NEB: variants seen among roughly 807,000 people sequenced by gnomAD.
The protein encoded by NEB is nemaline myopathy type 2.
Under a neutral mutation model 952.2 loss-of-function variants are expected in NEB, and 512 were observed. The ratio of observed to expected loss-of-function variants is 0.54; its 90% CI spans 0.50 to 0.58. NEB has a LOEUF of 0.58. Ranked by LOEUF, NEB falls within the 20% of genes least tolerant of loss-of-function variation. The pLI, the probability that NEB is intolerant of heterozygous loss-of-function variation, is 0.00. For synonymous variants in NEB, 2,900 were observed against 3,149.8 expected, an observed-to-expected ratio of 0.92 and a Z score of 2.66; for missense variants, 8,428 against 9,231.1, an observed-to-expected ratio of 0.91 and a Z score of 3.56.
At chr2:151,537,330 C>T (rs1386084072) in intron 140 of NEB, 94 bp from the exon 141 acceptor site, 2 of 684,008 alleles carry the variant, frequency 2.9e-6, no homozygotes, top group East Asian at 2.7e-5. Context: ...GAAGCACTAC[C>T]CCTTGAGGTA....
rs1290736752 is a variant in NEB, at chr2:151,635,708, A to AG, written c.9102+518_9102+519insC. On this transcript the variant is annotated intron_variant, in intron 64 of 181. Transcript: ENST00000397345. ...GCAACAAGAGCAAAACTCTGTCTCC[A>AG]AAAAAAAAAAAAAAAAAAGAGTGTA... Among the ~76,000 whole-genome samples the AG allele has an allele frequency of 6.5e-5, 4 of 61,536 alleles. No homozygotes were observed. The East Asian group carries it at 3.7e-3, about 57-fold the overall frequency. The allele number at this position is 61,536 out of a possible 152,430, so 40.4% of individuals were successfully genotyped here.
chr2:151,630,382 G>A (rs2098641271), intron 67 of NEB, among the ~76,000 whole-genome samples: 1 of 152,136 alleles, frequency 6.6e-6, no homozygotes, highest in Admixed American at 6.5e-5. Context: ...ATTTACTGAT[G>A]TATCTAATTG....
rs770061515 is a variant in NEB, at chr2:151,659,104, C to A, written c.6036G>T (p.Gln2012His). 6 of 1,612,762 alleles carry A rather than the reference C, an allele frequency of 3.7e-6. No homozygotes were observed. In the African/African-American group the frequency reaches 6.7e-5, roughly 18 times the overall value. ...TKVHIMPDIPQIILAKANAIN... is the reference protein window; with the variant it reads ...TKVHIMPDIPHIILAKANAIN... Reference sequence around the variant, plus strand: ...TTGCATTTGCCTTTGCCAAAATAATCTGGGGGATATCAGGCATGATGTGGA... The same window carrying A: ...TTGCATTTGCCTTTGCCAAAATAATATGGGGGATATCAGGCATGATGTGGA... The change falls in exon 47 of 182, where the codon CAG becomes CAT. Residue 2012 changes from glutamine (Q) to histidine (H), a missense_variant. Coordinates refer to ENST00000397345, the MANE Select transcript of NEB (RefSeq NM_001164508.2).
In NEB at chr2:151,531,912, G is replaced by T; in HGVS notation, c.21418-16C>A. The T allele has an allele frequency of 6.6e-7, 1 of 1,523,748 alleles. No individual in the cohort carries two copies. The allele number at this position is 1,523,748 out of a possible 1,614,324, so 94.4% of individuals were successfully genotyped here. ...TGTATTTGATCTAAATTGTGGAAGA[G>T]AAGAAAGAGCTCTAAGAAGTTGTAG... On this transcript the variant is annotated splice_polypyrimidine_tract_variant and intron_variant, in intron 143 of 181. Coordinates refer to ENST00000397345, the MANE Select transcript of NEB (RefSeq NM_001164508.2).
chr2:151,670,572 C>G (rs1415618758), intron 38 of NEB, among the ~76,000 whole-genome samples: 1 of 152,034 alleles, frequency 6.6e-6, no homozygotes, highest in Non-Finnish European at 1.5e-5. Context: ...CTTATCTCCT[C>G]CCTAGAGGCC....
intron 9 of NEB, among the ~76,000 whole-genome samples, chr2:151,720,873 T>C (rs181660714): frequency 2.0e-5 from 3 of 152,352 alleles, no homozygotes; most frequent in Non-Finnish European, 4.4e-5. Context: ...TTCTGATGAC[T>C]CTCAAATATT....
chr2:151,535,912 C>T (rs780665670), intron 141 of NEB, 117 bp from the exon 142 acceptor site: 5 of 615,808 alleles, frequency 8.1e-6, no homozygotes, highest in South Asian at 2.2e-5. Context: ...AACACATATT[C>T]GTTTGTTTGT....
intron 32 of NEB, among the ~76,000 whole-genome samples, 192 bp from the exon 33 acceptor site, chr2:151,678,379 C>G (rs1447094263): frequency 6.6e-6 from 1 of 152,112 alleles, no homozygotes; most frequent in Non-Finnish European, 1.5e-5. Context: ...TTATGGAACC[C>G]ATTTGATTGT....
chr2:151,642,653 GCTT>G lies in NEB; in HGVS notation c.8291_8293del (p.Glu2764del). On this transcript the variant is annotated inframe_deletion, in exon 60 of 182. Coordinates refer to ENST00000397345, the MANE Select transcript of NEB (RefSeq NM_001164508.2). Reference sequence around the variant, plus strand: ...CCGCATGTCATAACCTTTCCTCTTGGCTTCTTCTAGGCCAAGCTTATACAATTT... The same window carrying G: ...CCGCATGTCATAACCTTTCCTCTTGGCTTCTAGGCCAAGCTTATACAATTT... The G allele has an allele frequency of 1.2e-6, 2 of 1,613,892 alleles. No individual in the cohort carries two copies. Among genetic ancestry groups the G allele is most frequent in the Non-Finnish European group, 1.7e-6 (2 of 1,179,846 alleles).
At position 151,502,840 on chromosome 2, in the gene NEB, T is replaced by C. The variant is rs753151349; in HGVS notation, c.23881A>G (p.Thr7961Ala). The C allele has an allele frequency of 1.2e-6, 2 of 1,607,752 alleles. No individual in the cohort carries two copies. The highest frequency in any genetic ancestry group is 1.7e-6 in the Non-Finnish European group (2 of 1,177,496). ...CGTTTGACTCTCTCCATCTCTGGAG[T>C]GATAGGTGTTGGGATTCCTTTCCCC... ...NLGKGIPTPITPEMERVKRNQ... is the reference protein window; with the variant it reads ...NLGKGIPTPIAPEMERVKRNQ... The change falls in exon 167 of 182, where the codon ACT becomes GCT. Residue 7961 changes from threonine (T) to alanine (A), a missense_variant. Thr to Ala is a moderately conservative substitution (Grantham distance 58). Transcript: ENST00000397345.
At chr2:151,669,198 A>G in intron 38 of NEB, 67 bp from the exon 39 acceptor site, 1 of 1,129,438 alleles carries the variant, frequency 8.9e-7, no homozygotes, top group Non-Finnish European at 1.3e-6. Context: ...TCAAGCAGAG[A>G]CTCCTTTAAA....
At chr2:151,553,152 A>G (rs1344582290) in intron 127 of NEB, among the ~76,000 whole-genome samples, 2 of 152,214 alleles carry the variant, frequency 1.3e-5, no homozygotes, top group African/African-American at 4.8e-5. Flanking sequence ...AAAATAGCCT[A>G]AAACATAGAA....
In NEB at chr2:151,677,563, A is replaced by G. The variant is rs1553531049; in HGVS notation, c.3774+2T>C. 1 of 1,611,060 alleles carries G rather than the reference A, an allele frequency of 6.2e-7. No individual in the cohort carries two copies. Among genetic ancestry groups the G allele is most frequent in the Non-Finnish European group, 8.5e-7 (1 of 1,177,582 alleles). On this transcript the variant is annotated splice_donor_variant, in intron 34 of 181. Coordinates refer to ENST00000397345, the MANE Select transcript of NEB (RefSeq NM_001164508.2). LOFTEE classifies it high-confidence loss of function. ...CTGTCCTCTCTATTTTATTGTACTC[A>G]CATCACTGACTTGCTTCGTGTTCTG...
rs776901478 is a variant in NEB at position 151,650,186 on chromosome 2, T to C, written c.7421A>G (p.Asn2474Ser). The change falls in exon 54 of 182, where the codon AAT becomes AGT. Residue 2474 changes from asparagine (N) to serine (S), a missense_variant. Asn to Ser is a conservative substitution (Grantham distance 46). This residue lies in a region of NEB where 1,772 missense variants were observed against 1,960.3 expected (regional missense o/e 0.90). Transcript: ENST00000397345. The part of the protein sequence containing the change: ...DIVLAKTNAK[N>S]RSDRLYREAW... ...CAGAGTGCTACTCACATCACTCCTA[T>C]TTTTGGCATTTGTCTTTGCCAGAAC... 6.2e-6 allele frequency: 10 copies of C among 1,613,720 alleles called. No homozygotes were observed. Among genetic ancestry groups the C allele is most frequent in the Non-Finnish European group, 8.5e-6 (10 of 1,179,678 alleles).
chr2:151,655,447 T>C, intron 50 of NEB, 73 bp from the exon 51 acceptor site: 1 of 791,336 alleles, frequency 1.3e-6, no homozygotes. Flanking sequence ...TGTATTTATA[T>C]ATTAGTACTT....
At chr2:151,635,020 C>A (rs893645125) in intron 64 of NEB, among the ~76,000 whole-genome samples, 1 of 152,048 alleles carries the variant, frequency 6.6e-6, no homozygotes, top group African/African-American at 2.4e-5. Flanking sequence ...CAATATGGTA[C>A]AGTGGAAAGG....
chr2:151,548,534 G>C (rs1433525050), intron 130 of NEB, 119 bp from the exon 131 acceptor site: 3 of 699,860 alleles, frequency 4.3e-6, no homozygotes, highest in African/African-American at 3.6e-5. Context: ...TAAGGATTAA[G>C]TATGTAGAAA....
chr2:151,651,225 G>C (rs534886343), intron 52 of NEB, among the ~76,000 whole-genome samples: 9 of 152,178 alleles, frequency 5.9e-5, no homozygotes, highest in African/African-American at 2.2e-4. Flanking sequence ...TAATGTAATT[G>C]AGTATCAAGA....
In NEB at chr2:151,526,160, C is replaced by G; in HGVS notation, c.22048G>C (p.Glu7350Gln). 1 of 1,613,920 alleles carries G rather than the reference C, an allele frequency of 6.2e-7. No homozygotes were observed. The highest frequency in any genetic ancestry group is 8.5e-7 in the Non-Finnish European group (1 of 1,179,830). The part of the protein sequence containing the change: ...LAKTVSNLVS[E>Q]NKYKDHVKKH... ...ACTCATGGGCGGCTGGGGGTTACCT[C>G]AGACACCAGGTTGCTGACAGTCTTC... Residue 7350 changes from glutamate (E) to glutamine (Q), a missense_variant and splice_region_variant, in exon 149 of 182, where the codon GAG becomes CAG. Physicochemically the swap from Glu to Gln is conservative, Grantham distance 29. Around this residue, in one of 11 missense-constraint regions of NEB, gnomAD observed 3,374 missense variants for 3,651.5 expected, o/e 0.92. Transcript: ENST00000397345.
Sources: allele counts gnomAD v4.1 joint callset (sites outside exome capture counted in the v4.1 genomes callset), GRCh38; gene constraint gnomAD v4.1.1; regional missense constraint gnomAD v4.1.1; transcripts MANE v1.5; gene names NCBI Gene and HGNC (gene_info 2026-07-23, HGNC 2026-07-21).